The following RGS17 variants were observed in gnomAD, a reference collection of about 807,000 sequenced individuals.
The protein encoded by RGS17 is regulator of G protein signaling 17.
In RGS17, 12 loss-of-function variants were observed where a neutral mutation model predicts 25.5. The ratio of observed to expected loss-of-function variants is 0.47; its 90% CI spans 0.30 to 0.76. RGS17 has a LOEUF of 0.76. Among genes scored for constraint, RGS17 ranks in the 30% least tolerant of loss-of-function variants. The pLI, the probability that RGS17 is intolerant of heterozygous loss-of-function variation, is 0.07. For synonymous variants in RGS17, 71 were observed against 76.9 expected (o/e 0.92, Z 0.40); for missense variants, 196 against 242.2 (o/e 0.81, Z 1.27).
rs1783749603 is a variant in RGS17 at position 153,008,666 on chromosome 6, A to T, written c.*2908T>A. On this transcript the variant is annotated 3_prime_UTR_variant, in exon 5 of 5. Coordinates refer to ENST00000206262, the MANE Select transcript of RGS17 (RefSeq NM_012419.5). ...TCTGTGTGCATCAGCAAATTCTAATAGTATACAAAGATACCTTGGCAATTG... is the reference window on the plus strand; with the variant it reads ...TCTGTGTGCATCAGCAAATTCTAATTGTATACAAAGATACCTTGGCAATTG... The T allele has an allele frequency of 6.6e-6, 1 of 152,248 alleles. No individual in the cohort carries two copies. The highest frequency in any genetic ancestry group is 1.5e-5 in the Non-Finnish European group (1 of 68,034). 9.4% of individuals were successfully genotyped at this position (152,248 alleles called of 1,614,324 possible).
chr6:153,026,243 C>A (rs2129107143), intron 3 of RGS17, among the ~76,000 whole-genome samples: 1 of 152,154 alleles, frequency 6.6e-6, no homozygotes, highest in African/African-American at 2.4e-5. Context: ...AAATTTAGAT[C>A]ATGTTTTAGC....
At chr6:153,014,494 TTA>T (rs1182868960) in intron 4 of RGS17, among the ~76,000 whole-genome samples, 1 of 152,076 alleles carries the variant, frequency 6.6e-6, no homozygotes, top group African/African-American at 2.4e-5. Context: ...CTCACAAGTA[TTA>T]TTTAAGAAAT....
At chr6:153,044,938 A>C (rs1302388403) in intron 1 of RGS17, among the ~76,000 whole-genome samples, 1 of 152,224 alleles carries the variant, frequency 6.6e-6, no homozygotes, top group Non-Finnish European at 1.5e-5. Context: ...AGAAAAAGTA[A>C]TGCAATCTAC....
intron 1 of RGS17, among the ~76,000 whole-genome samples, chr6:153,113,205 A>T (rs1319790920): frequency 6.6e-6 from 1 of 152,206 alleles, no homozygotes. Context: ...GACACACATA[A>T]GCTGAAAATA....
chr6:153,073,758 A>T (rs1309255781), intron 1 of RGS17, among the ~76,000 whole-genome samples: 1 of 152,168 alleles, frequency 6.6e-6, no homozygotes, highest in African/African-American at 2.4e-5. Context: ...CCTCCCTTTC[A>T]TCTCCTGTCA....
At position 153,093,410 on chromosome 6, in the gene RGS17, A is replaced by G. The variant is rs78828398; in HGVS notation, c.-26+37714T>C. Among the ~76,000 whole-genome samples, 1,501 of 152,286 alleles carry G rather than the reference A, an allele frequency of 9.9e-3. 27 individuals are homozygous for G. Among genetic ancestry groups the G allele is most frequent in the African/African-American group, 0.034 (1,431 of 41,564 alleles). On this transcript the variant is annotated intron_variant, in intron 1 of 4. Transcript: ENST00000206262. ...GGTGAACCTTTTTGTAAGTCAATGC[A>G]ATATTTGCGACTATAGTCTTGGTTT...
At chr6:153,021,750 A>G (rs1013807730) in intron 4 of RGS17, among the ~76,000 whole-genome samples, 2 of 152,182 alleles carry the variant, frequency 1.3e-5, no homozygotes, top group East Asian at 3.9e-4. Context: ...GATATTAAAG[A>G]ACGGGTAATG....
At chr6:153,065,292 A>C (rs1333914711) in intron 1 of RGS17, among the ~76,000 whole-genome samples, 3 of 152,300 alleles carry the variant, frequency 2.0e-5, no homozygotes, top group African/African-American at 4.8e-5. Context: ...TAAATAAAAC[A>C]ACCAGATATA....
chr6:153,109,190 AT>A (rs1777430826), intron 1 of RGS17, among the ~76,000 whole-genome samples: 2 of 151,936 alleles, frequency 1.3e-5, no homozygotes, highest in Non-Finnish European at 2.9e-5. Flanking sequence ...CATTTTTATT[AT>A]TTCAACTTCA....
intron 1 of RGS17, among the ~76,000 whole-genome samples, chr6:153,124,654 C>G (rs1172659338): frequency 2.0e-5 from 3 of 152,162 alleles, no homozygotes; most frequent in African/African-American, 4.8e-5. Context: ...GGCTAAATCC[C>G]TGGTTATTTG....
chr6:153,024,008 G>T (rs6905616), intron 4 of RGS17, among the ~76,000 whole-genome samples: 2 of 152,148 alleles, frequency 1.3e-5, no homozygotes, highest in Non-Finnish European at 2.9e-5. Flanking sequence ...GTTTAAGCAG[G>T]CTCCTTAGTG....
Position 153,007,625 on chromosome 6 carries a change from T to C in RGS17, c.*3949A>G, listed in dbSNP as rs1779090284. ...TATTATTATTTTGAGATGGAGTCACTCTGTTGCCAAGGCTGGAGTGCAGTG... is the reference window on the plus strand; with the variant it reads ...TATTATTATTTTGAGATGGAGTCACCCTGTTGCCAAGGCTGGAGTGCAGTG... On this transcript the variant is annotated 3_prime_UTR_variant, in exon 5 of 5. Coordinates refer to ENST00000206262, the MANE Select transcript of RGS17 (RefSeq NM_012419.5). 6.6e-6 allele frequency: 1 copy of C among 151,992 alleles called. No homozygotes were observed. The highest frequency in any genetic ancestry group is 2.4e-5 in the African/African-American group (1 of 41,346). The allele number at this position is 151,992 out of a possible 1,614,324, so 9.4% of individuals were successfully genotyped here.
At chr6:153,073,881 GC>G (rs777946555) in intron 1 of RGS17, among the ~76,000 whole-genome samples, 4 of 152,162 alleles carry the variant, frequency 2.6e-5, no homozygotes, top group Non-Finnish European at 2.9e-5. Flanking sequence ...TGGATATCCA[GC>G]CAGGAGGACT....
intron 1 of RGS17, among the ~76,000 whole-genome samples, chr6:153,111,355 C>T (rs539779591): frequency 6.6e-6 from 1 of 152,344 alleles, no homozygotes; most frequent in Admixed American, 6.5e-5. Flanking sequence ...CCCACCACAG[C>T]TCTGCCAGGC....
At chr6:153,068,019 C>T (rs1224492524) in intron 1 of RGS17, among the ~76,000 whole-genome samples, 2 of 152,116 alleles carry the variant, frequency 1.3e-5, no homozygotes, top group African/African-American at 2.4e-5. Context: ...CTACAATGAA[C>T]TCATTTTTGA....
At chr6:153,071,374 C>T (rs1776801349) in intron 1 of RGS17, among the ~76,000 whole-genome samples, 1 of 151,960 alleles carries the variant, frequency 6.6e-6, no homozygotes, top group Admixed American at 6.6e-5. Flanking sequence ...ATATTGTCAT[C>T]ATAATTCCTA....
intron 4 of RGS17, among the ~76,000 whole-genome samples, chr6:153,017,984 T>G (rs1584118801): frequency 6.6e-6 from 1 of 152,250 alleles, no homozygotes; most frequent in East Asian, 1.9e-4. Flanking sequence ...ATTTTTACTT[T>G]GTGTACATTT....
chr6:153,014,085 T>C (rs957206442), intron 4 of RGS17, among the ~76,000 whole-genome samples: 1 of 152,198 alleles, frequency 6.6e-6, no homozygotes, highest in African/African-American at 2.4e-5. Context: ...GAGAAGTCAA[T>C]GCCTGATTTC....
chr6:153,127,977 C>A (rs1456855271), intron 1 of RGS17, among the ~76,000 whole-genome samples: 1 of 152,104 alleles, frequency 6.6e-6, no homozygotes, highest in Non-Finnish European at 1.5e-5. Context: ...CAGGAATGAT[C>A]GTCTAAATGA....
Sources: gnomAD v4.1 joint callset for allele counts (sites outside exome capture counted in the v4.1 genomes callset) on GRCh38, gnomAD v4.1.1 for gene constraint, MANE v1.5 for transcripts, NCBI Gene and HGNC (gene_info 2026-07-23, HGNC 2026-07-21) for gene names.